TMEM235: variants seen among roughly 807,000 people sequenced by gnomAD.
TMEM235 encodes the protein claudin-27.
TMEM235 carries 23 observed loss-of-function variants against 22.9 expected under a neutral mutation model. The observed-to-expected ratio is 1.00, with a 90% CI of 0.72 to 1.42. TMEM235 has a LOEUF of 1.42. TMEM235 is among the 40% of genes most tolerant of loss of function. The pLI, the probability that TMEM235 is intolerant of heterozygous loss-of-function variation, is 0.00. For synonymous variants in TMEM235, 137 were observed against 140.5 expected, an observed-to-expected ratio of 0.98 and a Z score of 0.17; for missense variants, 308 against 299.5, an observed-to-expected ratio of 1.03 and a Z score of -0.21.
intron 2 of TMEM235, among the ~76,000 whole-genome samples, chr17:78,233,479 G>A (rs1401095716): frequency 2.0e-5 from 3 of 152,094 alleles, no homozygotes; most frequent in Admixed American, 6.5e-5. Context: ...AGGCCGAGGC[G>A]GGTGGATCAC....
At chr17:78,231,790 C>T in exon 2 of TMEM235, 1 of 1,219,532 alleles carries the variant, frequency 8.2e-7, no homozygotes, top group Non-Finnish European at 1.1e-6. Context: ...CTCTCGACTT[C>T]CTCTCCTTTC....
chr17:78,239,905 G>A, exon 6 of TMEM235: 1 of 1,551,326 alleles, frequency 6.4e-7, no homozygotes. Context: ...GGGCAGGCTT[G>A]GTGGAGAAGA....
At chr17:78,240,326 G>C (rs1414536270) in exon 6 of TMEM235, 1 of 215,152 alleles carries the variant, frequency 4.6e-6, no homozygotes, top group African/African-American at 2.2e-5. Flanking sequence ...GGTGGCGCAG[G>C]GCTGGGCCTG....
intron 4 of TMEM235, 60 bp downstream of exon 3, chr17:78,234,790 G>T (rs1567873962): frequency 1.3e-6 from 2 of 1,529,716 alleles, no homozygotes; most frequent in East Asian, 4.9e-5. Context: ...CAGGTCCCGG[G>T]AGTGGGGTGC....
At chr17:78,239,828 T>G (rs2145929814) in exon 6 of TMEM235, 5 of 1,551,238 alleles carry the variant, frequency 3.2e-6, no homozygotes, top group Non-Finnish European at 4.4e-6. Flanking sequence ...CCAGATCGCC[T>G]GGCGCCAGAG....
chr17:78,234,212 C>G (rs1414881827), intron 3 of TMEM235: 1 of 699,792 alleles, frequency 1.4e-6, no homozygotes, highest in Admixed American at 2.0e-5. Context: ...ATGGCTCATC[C>G]CTTTGTTATT....
At chr17:78,234,420 G>A (rs1035828411) in intron 3 of TMEM235, 173 bp from the exon 3 acceptor site, 2 of 1,000,094 alleles carry the variant, frequency 2.0e-6, no homozygotes, top group African/African-American at 1.6e-5. Context: ...CTGGCCTTAG[G>A]AAGCCCCTGC....
chr17:78,239,996 G>C, exon 6 of TMEM235: 1 of 1,539,216 alleles, frequency 6.5e-7, no homozygotes, highest in Non-Finnish European at 8.8e-7. Flanking sequence ...GTACCCCTCT[G>C]CCCCCTCCCT....
At chr17:78,234,781 A>G (rs2076625252) in intron 4 of TMEM235, 51 bp downstream of exon 3, 1 of 1,532,404 alleles carries the variant, frequency 6.5e-7, no homozygotes, top group Non-Finnish European at 8.7e-7. Flanking sequence ...GCTGGGCCAC[A>G]GGTCCCGGGA....
In TMEM235 at chr17:78,239,023, G is replaced by C; in HGVS notation, c.410-1G>C. 1 of 1,538,206 alleles carries C rather than the reference G, an allele frequency of 6.5e-7. No homozygotes were observed. Among genetic ancestry groups the C allele is most frequent in the Non-Finnish European group, 8.7e-7 (1 of 1,143,510 alleles). On this transcript the variant is annotated splice_acceptor_variant, in intron 4 of 5. Coordinates refer to ENST00000421688, the Ensembl canonical transcript of TMEM235. LOFTEE classifies it high-confidence loss of function. Reference sequence around the variant, plus strand: ...AGCTGCCCTCCCCATCTCTCCCCCAGGTGTCCTGACACTGGCGGGGGTCAG... The same window carrying C: ...AGCTGCCCTCCCCATCTCTCCCCCACGTGTCCTGACACTGGCGGGGGTCAG...
rs1332785000 is a variant in TMEM235, at chr17:78,237,990, C to CTGGG, written c.410-1034_410-1033insTGGG. The stretch of plus-strand genomic sequence containing the variant: ...CCTGAATGTCAGCTTGGGTCAGTTG[C>CTGGG]CTTCTTTTGGCTGGGCAGTGCCCAG... On this transcript the variant is annotated intron_variant, in intron 4 of 5. Coordinates refer to ENST00000421688, the Ensembl canonical transcript of TMEM235. The surrounding 1 kb of genome is among the most constrained non-coding windows in gnomAD (Gnocchi z 4.7). Among the ~76,000 whole-genome samples, 84 of 152,314 alleles carry CTGGG rather than the reference C, an allele frequency of 5.5e-4. 1 individual carries two copies. The highest frequency in any genetic ancestry group is 1.9e-3 in the African/African-American group (78 of 41,564).
chr17:78,236,097 C>T (rs766915664), intron 4 of TMEM235, among the ~76,000 whole-genome samples: 7 of 152,190 alleles, frequency 4.6e-5, no homozygotes, highest in South Asian at 2.1e-4. Flanking sequence ...ACCCTAGCAC[C>T]GTGATAGGAG....
rs538929701 is a variant in TMEM235, at chr17:78,233,522, C to T, written c.191-373C>T. On this transcript the variant is annotated intron_variant, in intron 2 of 5. Transcript: ENST00000421688. ...GGAGATCGAGACCACAGTGAAACCC[C>T]GTCTCTACTAAAAATACAAAAAATT... Among the ~76,000 whole-genome samples, 10 of 152,082 alleles carry T rather than the reference C, an allele frequency of 6.6e-5. No individual in the cohort carries two copies. The East Asian group carries it at 9.7e-4, about 15-fold the overall frequency.
At chr17:78,239,959 G>A (rs1039756185) in exon 6 of TMEM235, 71 of 1,549,384 alleles carry the variant, frequency 4.6e-5, no homozygotes, top group Non-Finnish European at 6.0e-5. Flanking sequence ...TGCAGGGGTG[G>A]GGGGCAAGGA....
At chr17:78,233,965 G>C in exon 3 of TMEM235, 1 of 1,528,714 alleles carries the variant, frequency 6.5e-7, no homozygotes, top group Non-Finnish European at 8.7e-7. Flanking sequence ...CCTCGGTGCA[G>C]CACCTCATCT....
At chr17:78,239,211 C>T in exon 5 of TMEM235, 1 of 1,543,426 alleles carries the variant, frequency 6.5e-7, no homozygotes, top group Non-Finnish European at 8.7e-7. Flanking sequence ...TCTCAGCTGC[C>T]TGGACCCTCA....
chr17:78,234,788 G>A (rs984218613), intron 4 of TMEM235, 58 bp downstream of exon 3: 34 of 1,529,852 alleles, frequency 2.2e-5, no homozygotes, highest in South Asian at 3.6e-5. Flanking sequence ...CACAGGTCCC[G>A]GGAGTGGGGT....
intron 5 of TMEM235, among the ~76,000 whole-genome samples, 180 bp from the exon 5 acceptor site, chr17:78,239,598 CCT>C (rs2076686365): frequency 6.6e-6 from 1 of 152,042 alleles, no homozygotes; most frequent in Non-Finnish European, 1.5e-5. Context: ...GGTGGGGGCA[CCT>C]CTCAAGGGTG....
intron 4 of TMEM235, among the ~76,000 whole-genome samples, chr17:78,236,252 C>A (rs1014936693): frequency 1.3e-5 from 2 of 150,808 alleles, no homozygotes; most frequent in African/African-American, 4.8e-5. Flanking sequence ...CTGGGGCCAG[C>A]CCCTCACCAC....
Sources: allele counts gnomAD v4.1 joint callset (sites outside exome capture counted in the v4.1 genomes callset), GRCh38; gene constraint gnomAD v4.1.1; non-coding constraint Gnocchi (gnomAD v3.1); transcripts MANE v1.5; gene names NCBI Gene and HGNC (gene_info 2026-07-23, HGNC 2026-07-21).